FRAS1: variants seen among roughly 807,000 people sequenced by gnomAD.
FRAS1 encodes extracellular matrix organizing protein FRAS1.
FRAS1 carries 290 observed loss-of-function variants against 435.2 expected under a neutral mutation model. The observed-to-expected ratio is 0.67, with a 90% confidence interval of 0.61 to 0.73. FRAS1 has a LOEUF of 0.73. Ranked by LOEUF, FRAS1 falls within the 30% of genes least tolerant of loss-of-function variation. The pLI is 0.00. For synonymous variants in FRAS1, 1,800 were observed against 1,851.0 expected (o/e 0.97, Z 0.71); for missense variants, 4,860 against 5,001.5 (o/e 0.97, Z 0.85).
At chr4:78,208,225 T>G (rs1190056631) in intron 2 of FRAS1, among the ~76,000 whole-genome samples, 1 of 152,144 alleles carries the variant, frequency 6.6e-6, no homozygotes, top group Non-Finnish European at 1.5e-5. Context: ...CTCAGGAAGC[T>G]ACATCCTTAG....
intron 2 of FRAS1, among the ~76,000 whole-genome samples, chr4:78,185,407 G>T (rs1335215453): frequency 1.3e-5 from 2 of 152,210 alleles, no homozygotes; most frequent in African/African-American, 4.8e-5. Context: ...ATAGATTGCA[G>T]GTTAGTTGTT....
rs1718708371 is a variant in FRAS1, at chr4:78,444,328, C to A, written c.5666-1194C>A. On this transcript the variant is annotated intron_variant, in intron 41 of 73. Transcript: ENST00000512123. ...TGGCCGCTTAGACCTCTCTCAGCTT[C>A]TGTTGCCTAGAGGAATAAAATCTGA... 4.2e-5 allele frequency: 9 copies of A among 213,556 alleles called. No individual in the cohort carries two copies. The South Asian group carries it at 4.8e-4, about 11-fold the overall frequency. 13.2% of individuals were successfully genotyped at this position (213,556 alleles called of 1,614,324 possible).
intron 14 of FRAS1, among the ~76,000 whole-genome samples, chr4:78,299,572 G>T (rs1728293224): frequency 6.6e-6 from 1 of 152,190 alleles, no homozygotes; most frequent in Admixed American, 6.5e-5. Flanking sequence ...AGGGAGCTGT[G>T]CTTTAATTTC....
intron 18 of FRAS1, among the ~76,000 whole-genome samples, chr4:78,320,877 A>T (rs180733428): frequency 3.9e-5 from 6 of 152,278 alleles, no homozygotes; most frequent in Admixed American, 3.9e-4. Context: ...ACACAGGTTG[A>T]AAGTGGAGGA....
chr4:78,325,669 G>A (rs1040701482), intron 18 of FRAS1, among the ~76,000 whole-genome samples: 1 of 152,200 alleles, frequency 6.6e-6, no homozygotes, highest in African/African-American at 2.4e-5. Context: ...TACAGGCCAT[G>A]CCTGAAGGAA....
chr4:78,264,500 G>T (rs2110151386), intron 6 of FRAS1, among the ~76,000 whole-genome samples: 1 of 152,212 alleles, frequency 6.6e-6, no homozygotes, highest in Middle Eastern at 3.4e-3. Flanking sequence ...TAATAGTGAA[G>T]TAGCTTATCA....
intron 5 of FRAS1, among the ~76,000 whole-genome samples, chr4:78,254,028 C>T (rs1725675456): frequency 1.2e-5 from 1 of 80,798 alleles, no homozygotes; most frequent in Admixed American, 1.2e-4. Context: ...AGACATGCTC[C>T]CCATGTAGGT....
chr4:78,115,983 G>C (rs76322983), intron 2 of FRAS1, among the ~76,000 whole-genome samples: 138,902 of 152,256 alleles, frequency 0.91, 63,528 homozygotes, highest in Admixed American at 0.95. Context: ...ATAAATTTCC[G>C]TCTACACACT....
Position 78,423,420 on chromosome 4 carries a change from C to T in FRAS1, c.4679-968C>T, listed in dbSNP as rs200841276. ...GACCTCGTGATCCACCTGCCTTGGC[C>T]TCCCAAAGTGCTGGGAGCCACTGCT... On this transcript the variant is annotated intron_variant, in intron 34 of 73. Coordinates refer to ENST00000512123, the MANE Select transcript of FRAS1 (RefSeq NM_025074.7). Among the ~76,000 whole-genome samples the T allele has an allele frequency of 2.4e-3, 209 of 86,862 alleles. 3 individuals are homozygous for T. The East Asian group carries it at 0.04, about 17-fold the overall frequency. The allele number at this position is 86,862 out of a possible 152,430, so 57.0% of individuals were successfully genotyped here.
chr4:78,453,570 G>A (rs139952401), intron 47 of FRAS1, among the ~76,000 whole-genome samples: 4 of 152,278 alleles, frequency 2.6e-5, no homozygotes, highest in Non-Finnish European at 4.4e-5. Context: ...AGGTTGAGGT[G>A]GGAAGATCTC....
intron 36 of FRAS1, 78 bp downstream of exon 36, chr4:78,429,304 G>T: frequency 6.8e-7 from 1 of 1,480,530 alleles, no homozygotes; most frequent in Non-Finnish European, 9.0e-7. Flanking sequence ...CCTCTTGATG[G>T]TTGCCAAAAA....
At chr4:78,092,715 A>C (rs535868331) in intron 2 of FRAS1, among the ~76,000 whole-genome samples, 1 of 152,306 alleles carries the variant, frequency 6.6e-6, no homozygotes, top group Admixed American at 6.5e-5. Flanking sequence ...GGTCCTAGGG[A>C]GACATGGGCT....
At position 78,464,063 on chromosome 4, in the gene FRAS1, G is replaced by T. The variant is rs771923121; in HGVS notation, c.6806G>T (p.Arg2269Leu). The T allele has an allele frequency of 6.2e-7, 1 of 1,613,422 alleles. No individual in the cohort carries two copies. The highest frequency in any genetic ancestry group is 1.7e-5 in the Admixed American group (1 of 59,986). Residue 2269 changes from arginine (R) to leucine (L), a missense_variant, in exon 48 of 74, where the codon CGA (arginine) becomes CTA (leucine). Transcript: ENST00000512123. ...TTTACTCAAGCTGATCTGACTTCAC[G>T]AAATGTTCAGTATGTCCATTCTAGT... The part of the protein sequence containing the change: ...SSFTQADLTS[R>L]NVQYVHSSEA...
intron 47 of FRAS1, among the ~76,000 whole-genome samples, chr4:78,455,227 C>G (rs1290732736): frequency 6.6e-6 from 1 of 152,048 alleles, no homozygotes; most frequent in Non-Finnish European, 1.5e-5. Context: ...TTCCCTACCT[C>G]CCCGGCTCTA....
chr4:78,087,561 A>C (rs1260970158), intron 2 of FRAS1, among the ~76,000 whole-genome samples: 2 of 152,230 alleles, frequency 1.3e-5, no homozygotes, highest in Non-Finnish European at 2.9e-5. Flanking sequence ...TAAGCTGATA[A>C]GCAACTTCAG....
At chr4:78,423,680 C>T (rs1312585497) in intron 34 of FRAS1, among the ~76,000 whole-genome samples, 1 of 152,172 alleles carries the variant, frequency 6.6e-6, no homozygotes, top group Non-Finnish European at 1.5e-5. Flanking sequence ...ACAGTTAACT[C>T]CTCAATTAGA....
chr4:78,454,717 A>C (rs977784501), intron 47 of FRAS1, among the ~76,000 whole-genome samples: 1 of 152,218 alleles, frequency 6.6e-6, no homozygotes, highest in African/African-American at 2.4e-5. Context: ...TCCTCAAGGC[A>C]CTGCCATTGC....
intron 2 of FRAS1, among the ~76,000 whole-genome samples, chr4:78,141,711 T>G (rs1158023086): frequency 3.3e-5 from 5 of 152,094 alleles, no homozygotes; most frequent in Admixed American, 2.6e-4. Context: ...AATTCACAAT[T>G]GCAAAATCGT....
intron 3 of FRAS1, among the ~76,000 whole-genome samples, chr4:78,241,045 G>A (rs1724981429): frequency 6.6e-6 from 1 of 152,146 alleles, no homozygotes; most frequent in Non-Finnish European, 1.5e-5. Flanking sequence ...TCTCAATGGA[G>A]TGGGGGGAGC....
Sources: gnomAD v4.1 joint callset for allele counts (sites outside exome capture counted in the v4.1 genomes callset) on GRCh38, gnomAD v4.1.1 for gene constraint, MANE v1.5 for transcripts, NCBI Gene and HGNC (gene_info 2026-07-23, HGNC 2026-07-21) for gene names.